Variants in AKAP7 observed in about 807,000 individuals in gnomAD.
The protein encoded by AKAP7 is A kinase (PRKA) anchor protein 7.
In AKAP7, 39 loss-of-function variants were observed where a neutral mutation model predicts 39.5. The observed-to-expected ratio is 0.99, with a 90% CI of 0.76 to 1.29. AKAP7 has a LOEUF of 1.29. Among genes scored for constraint, AKAP7 ranks in the 50% most tolerant of loss-of-function variants. The probability of loss-of-function intolerance (pLI) is 0.00; values close to 1 mark genes in which losing one functional copy is unlikely to be tolerated. For synonymous variants in AKAP7, 140 were observed against 139.1 expected (o/e 1.01, Z -0.05); for missense variants, 414 against 407.7 (o/e 1.02, Z -0.13).
chr6:131,129,547 A>C, the AKAP7 span, among the ~76,000 whole-genome samples: 116 of 152,322 alleles, frequency 7.6e-4, no homozygotes, highest in African/African-American at 2.8e-3. Context: ...ATATCATAAA[A>C]CAACATGTTA....
chr6:131,134,959 G>A (rs1252558165), upstream of AKAP7, among the ~76,000 whole-genome samples: 3 of 152,106 alleles, frequency 2.0e-5, no homozygotes, highest in Non-Finnish European at 4.4e-5. Flanking sequence ...ACTCACTGCA[G>A]TACCTTATAC....
At chr6:131,195,115 C>T (rs1033156139) in intron 5 of AKAP7, among the ~76,000 whole-genome samples, 1 of 151,880 alleles carries the variant, frequency 6.6e-6, no homozygotes, top group African/African-American at 2.4e-5. Context: ...TCTCCTCCTC[C>T]TTTCTTCTTG....
At chr6:131,174,499 A>G (rs1379184823) in intron 5 of AKAP7, among the ~76,000 whole-genome samples, 1 of 152,268 alleles carries the variant, frequency 6.6e-6, no homozygotes, top group Non-Finnish European at 1.5e-5. Flanking sequence ...AGACTGAGGT[A>G]GGAGGATCAC....
chr6:131,227,602 G>C (rs1046116212), intron 7 of AKAP7, among the ~76,000 whole-genome samples: 1 of 152,164 alleles, frequency 6.6e-6, no homozygotes, highest in African/African-American at 2.4e-5. Flanking sequence ...AGGCCAGGAG[G>C]AGGATAGGGT....
intron 7 of AKAP7, among the ~76,000 whole-genome samples, chr6:131,220,023 C>T (rs1341115028): frequency 1.3e-5 from 2 of 152,088 alleles, no homozygotes; most frequent in African/African-American, 4.8e-5. Flanking sequence ...AGTTTTTATA[C>T]TTCTGGCTTT....
At chr6:131,165,279 C>A in intron 4 of AKAP7, 62 bp downstream of exon 4, 2 of 1,235,348 alleles carry the variant, frequency 1.6e-6, no homozygotes, top group Non-Finnish European at 1.1e-6. Flanking sequence ...TGAGTAAGCA[C>A]AGCAGAACCC....
At chr6:131,174,439 T>C (rs1425397174) in intron 5 of AKAP7, among the ~76,000 whole-genome samples, 1 of 152,236 alleles carries the variant, frequency 6.6e-6, no homozygotes, top group African/African-American at 2.4e-5. Flanking sequence ...TTTAAAAGAA[T>C]GCCTCAGGCT....
At chr6:131,202,115 T>G (rs915522415) in intron 6 of AKAP7, among the ~76,000 whole-genome samples, 3 of 151,432 alleles carry the variant, frequency 2.0e-5, no homozygotes, top group Non-Finnish European at 4.4e-5. Flanking sequence ...AAACAACAGG[T>G]GCTGGAGAGG....
In AKAP7 at chr6:131,159,132, C is replaced by T. The variant is rs137896847; in HGVS notation, c.152-927C>T. ...TTTTTGAGACGGAGTCTCCCTATGTCGCCCAGGCTGGACTGCAGTGGCGCC... is the reference window on the plus strand; with the variant it reads ...TTTTTGAGACGGAGTCTCCCTATGTTGCCCAGGCTGGACTGCAGTGGCGCC... On this transcript the variant is annotated intron_variant, in intron 2 of 7. Transcript: ENST00000431975. 7.2e-3 allele frequency among the ~76,000 whole-genome samples: 1,091 copies of T among 151,746 alleles called. 12 individuals are homozygous for T. Among genetic ancestry groups the T allele is most frequent in the African/African-American group, 0.024 (1,011 of 41,354 alleles).
intron 7 of AKAP7, among the ~76,000 whole-genome samples, chr6:131,272,812 G>C (rs1256827136): frequency 6.6e-6 from 1 of 152,248 alleles, no homozygotes; most frequent in East Asian, 1.9e-4. Flanking sequence ...TAAAACAAAA[G>C]TGTATTCTGT....
chr6:131,236,301 A>C (rs1811054901), intron 7 of AKAP7, among the ~76,000 whole-genome samples: 1 of 152,126 alleles, frequency 6.6e-6, no homozygotes, highest in Admixed American at 6.5e-5. Context: ...TGTTTTGGTT[A>C]CTGTAGCCTT....
intron 7 of AKAP7, among the ~76,000 whole-genome samples, chr6:131,236,055 T>C (rs1266516875): frequency 6.6e-6 from 1 of 152,236 alleles, no homozygotes; most frequent in Non-Finnish European, 1.5e-5. Flanking sequence ...ATTTAAGTCT[T>C]TAATCCAACT....
intron 7 of AKAP7, among the ~76,000 whole-genome samples, chr6:131,236,146 A>T (rs926477904): frequency 3.3e-5 from 5 of 152,014 alleles, no homozygotes; most frequent in African/African-American, 1.2e-4. Context: ...TCCCAGCACC[A>T]TTTATTAAAT....
chr6:131,153,880 A>C (rs1802167492), intron 2 of AKAP7, among the ~76,000 whole-genome samples: 1 of 152,154 alleles, frequency 6.6e-6, no homozygotes. Flanking sequence ...TACTATCTAC[A>C]TGACTTCTGT....
chr6:131,253,509 T>TAACTA (rs1217541742), intron 7 of AKAP7, among the ~76,000 whole-genome samples: 1 of 152,174 alleles, frequency 6.6e-6, no homozygotes, highest in Non-Finnish European at 1.5e-5. Flanking sequence ...TAAATGTTTT[T>TAACTA]AACTATAGTC....
chr6:131,262,171 T>C (rs1245462085), intron 7 of AKAP7, among the ~76,000 whole-genome samples: 2 of 152,234 alleles, frequency 1.3e-5, no homozygotes, highest in African/African-American at 2.4e-5. Context: ...TAGAGCCATC[T>C]GCTATTGGAA....
chr6:131,159,398 T>C (rs907156680), intron 2 of AKAP7, among the ~76,000 whole-genome samples: 2 of 151,980 alleles, frequency 1.3e-5, no homozygotes, highest in African/African-American at 4.8e-5. Context: ...TGGCCAAGGA[T>C]CAGTTTTTAA....
chr6:131,201,096 AC>A (rs957412692), intron 6 of AKAP7, among the ~76,000 whole-genome samples: 3 of 152,174 alleles, frequency 2.0e-5, no homozygotes, highest in African/African-American at 7.2e-5. Context: ...GTAATATGAG[AC>A]TTGGAATGGT....
intron 7 of AKAP7, among the ~76,000 whole-genome samples, chr6:131,269,603 C>T (rs1159145225): frequency 6.6e-6 from 1 of 152,132 alleles, no homozygotes; most frequent in Non-Finnish European, 1.5e-5. Flanking sequence ...AACAAACTGC[C>T]ATGAGCACAG....
Sources: allele counts gnomAD v4.1 joint callset (sites outside exome capture counted in the v4.1 genomes callset), GRCh38; gene constraint gnomAD v4.1.1; transcripts MANE v1.5; gene names NCBI Gene and HGNC (gene_info 2026-07-23, HGNC 2026-07-21).